MDGA2: variants seen among roughly 807,000 people sequenced by gnomAD.
MDGA2 encodes the protein MAM domain containing glycosylphosphatidylinositol anchor 2.
A neutral mutation model predicts 117.8 loss-of-function variants in MDGA2; 40 were observed. That is an observed-to-expected ratio of 0.34 (90% CI 0.26 to 0.44). The LOEUF is 0.44. MDGA2 is among the 20% of genes least tolerant of loss of function. The probability of loss-of-function intolerance (pLI) is 1.00; values close to 1 mark genes in which losing one functional copy is unlikely to be tolerated. For missense variants in MDGA2, 1,123 were observed against 1,250.6 expected (o/e 0.90, Z 1.54); for synonymous variants, 452 against 439.0 (o/e 1.03, Z -0.37).
At chr14:47,321,641 C>A (rs1889982491) in intron 1 of MDGA2, among the ~76,000 whole-genome samples, 1 of 152,082 alleles carries the variant, frequency 6.6e-6, no homozygotes, top group South Asian at 2.1e-4. Flanking sequence ...CAACTTACTG[C>A]AATTTTATCT....
chr14:47,271,602 C>T (rs1332582899), intron 2 of MDGA2, among the ~76,000 whole-genome samples: 3 of 152,050 alleles, frequency 2.0e-5, no homozygotes, highest in Non-Finnish European at 4.4e-5. Flanking sequence ...AGTCAGAGTT[C>T]CCGTCCCATT....
At chr14:47,436,097 T>C (rs753184690) in intron 1 of MDGA2, among the ~76,000 whole-genome samples, 4 of 151,936 alleles carry the variant, frequency 2.6e-5, no homozygotes, top group Admixed American at 6.6e-5. Context: ...GTAAAGTCCA[T>C]AGGTTATAGT....
intron 9 of MDGA2, among the ~76,000 whole-genome samples, chr14:46,947,697 C>T (rs1449368105): frequency 6.6e-6 from 1 of 152,064 alleles, no homozygotes; most frequent in Non-Finnish European, 1.5e-5. Flanking sequence ...TTGCCTTCCA[C>T]CATGACTGTG....
intron 3 of MDGA2, among the ~76,000 whole-genome samples, chr14:47,189,697 A>G (rs978766564): frequency 3.3e-5 from 5 of 152,174 alleles, no homozygotes; most frequent in Non-Finnish European, 7.4e-5. Context: ...TAAATCATAA[A>G]AACAAATCTT....
chr14:47,673,933 T>C (rs959044693), intron 1 of MDGA2, among the ~76,000 whole-genome samples: 16 of 151,990 alleles, frequency 1.1e-4, no homozygotes, highest in African/African-American at 3.9e-4. Context: ...CCCTTAATTG[T>C]GTCTGGCACC....
intron 1 of MDGA2, among the ~76,000 whole-genome samples, chr14:47,555,613 AT>A (rs1895668079): frequency 6.6e-6 from 1 of 152,196 alleles, no homozygotes; most frequent in South Asian, 2.1e-4. Context: ...AGAGTTAAAA[AT>A]ATTTACACTG....
intron 1 of MDGA2, among the ~76,000 whole-genome samples, chr14:47,488,840 T>A (rs1027245644): frequency 3.0e-4 from 45 of 152,120 alleles, no homozygotes; most frequent in Middle Eastern, 3.4e-3. Flanking sequence ...ATGGGAAACA[T>A]GTTTGTCATA....
intron 1 of MDGA2, among the ~76,000 whole-genome samples, chr14:47,377,985 C>G (rs1177390509): frequency 6.6e-6 from 1 of 152,196 alleles, no homozygotes; most frequent in Non-Finnish European, 1.5e-5. Flanking sequence ...ACATCTCATA[C>G]AGCTGGGTGC....
chr14:47,380,113 C>G (rs1446245684), intron 1 of MDGA2, among the ~76,000 whole-genome samples: 1 of 151,542 alleles, frequency 6.6e-6, no homozygotes. Context: ...AACCTACTCC[C>G]AAATGTACTG....
chr14:47,515,474 C>T (rs932633237), intron 1 of MDGA2, among the ~76,000 whole-genome samples: 1 of 152,146 alleles, frequency 6.6e-6, no homozygotes, highest in African/African-American at 2.4e-5. Flanking sequence ...TGGGGCATTG[C>T]TTCCTGATTC....
chr14:47,293,474 G>C (rs903289098), intron 2 of MDGA2, among the ~76,000 whole-genome samples: 3 of 152,156 alleles, frequency 2.0e-5, no homozygotes, highest in African/African-American at 4.8e-5. Flanking sequence ...ATAGAGAAGA[G>C]ACAAATTTCA....
At chr14:47,380,015 G>A (rs78951201) in intron 1 of MDGA2, among the ~76,000 whole-genome samples, 8,826 of 152,030 alleles carry the variant, frequency 0.058, 946 homozygotes, top group East Asian at 0.52. Context: ...AAATTATAAC[G>A]AACTGTCTCT....
At chr14:46,904,156 G>C (rs955939690) in intron 10 of MDGA2, among the ~76,000 whole-genome samples, 5 of 151,990 alleles carry the variant, frequency 3.3e-5, no homozygotes, top group African/African-American at 4.8e-5. Context: ...TTGAGGTCAG[G>C]AGTTCAAGAC....
chr14:47,003,048 C>T (rs940245537), intron 8 of MDGA2, among the ~76,000 whole-genome samples: 1 of 152,124 alleles, frequency 6.6e-6, no homozygotes, highest in Non-Finnish European at 1.5e-5. Flanking sequence ...TACTCTCTCT[C>T]ACCGTACATT....
intron 1 of MDGA2, among the ~76,000 whole-genome samples, chr14:47,433,805 T>A (rs1011913372): frequency 3.9e-5 from 6 of 152,156 alleles, no homozygotes; most frequent in Non-Finnish European, 8.8e-5. Context: ...ATATCTCATC[T>A]AGCTATGCAG....
chr14:47,285,324 T>G (rs1194712612), intron 2 of MDGA2, among the ~76,000 whole-genome samples: 1 of 151,470 alleles, frequency 6.6e-6, no homozygotes, highest in Non-Finnish European at 1.5e-5. Flanking sequence ...TATTTTCTAC[T>G]AAATTGATTT....
chr14:47,043,861 A>G (rs1889163710), intron 7 of MDGA2, among the ~76,000 whole-genome samples: 1 of 152,060 alleles, frequency 6.6e-6, no homozygotes, highest in Non-Finnish European at 1.5e-5. Context: ...ACATTCTTTA[A>G]GGTCCAATTT....
At chr14:46,893,548 TAA>T (rs142587466) in intron 10 of MDGA2, among the ~76,000 whole-genome samples, 5,528 of 152,048 alleles carry the variant, frequency 0.036, 351 homozygotes, top group African/African-American at 0.13. Flanking sequence ...GAGAACTATA[TAA>T]GAGAATGAAT....
chr14:47,590,887 G>A (rs1896424465), intron 1 of MDGA2, among the ~76,000 whole-genome samples: 1 of 151,918 alleles, frequency 6.6e-6, no homozygotes, highest in Non-Finnish European at 1.5e-5. Flanking sequence ...TTTCCAGTAT[G>A]TTCACTGATC....
Sources: allele counts gnomAD v4.1 joint callset (sites outside exome capture counted in the v4.1 genomes callset), GRCh38; gene constraint gnomAD v4.1.1; transcripts MANE v1.5; gene names NCBI Gene and HGNC (gene_info 2026-07-23, HGNC 2026-07-21).